The following NUP50 variants were observed in gnomAD, a reference collection of about 807,000 sequenced individuals.
NUP50 encodes the protein nuclear pore complex protein Nup50.
A neutral mutation model predicts 36.8 loss-of-function variants in NUP50; 14 were observed. The observed-to-expected ratio is 0.38, with a 90% CI of 0.25 to 0.59. The LOEUF (loss-of-function observed/expected upper bound fraction) is 0.59, where lower values mean the gene tolerates loss of function less well. Among genes scored for constraint, NUP50 ranks in the 20% least tolerant of loss-of-function variants. The pLI is 0.63. For synonymous variants in NUP50, 195 were observed against 210.8 expected (o/e 0.93, Z 0.65); for missense variants, 455 against 564.6 (o/e 0.81, Z 1.97).
At position 45,178,522 on chromosome 22, in the gene NUP50, G is replaced by A; in HGVS notation, c.625G>A (p.Glu209Lys). 1.9e-6 allele frequency: 3 copies of A among 1,612,094 alleles called. No homozygotes were observed. The highest frequency in any genetic ancestry group is 2.5e-6 in the Non-Finnish European group (3 of 1,179,868). Residue 209 changes from glutamate (E) to lysine (K), a missense_variant, in exon 5 of 8, where the codon GAA becomes AAA. Physicochemically the swap from Glu to Lys is moderately conservative, Grantham distance 56 (BLOSUM62 1). Around this residue, in one of 3 missense-constraint regions of NUP50, gnomAD observed 287 missense variants for 345.5 expected, o/e 0.83. Transcript: ENST00000347635. Reference sequence around the variant, plus strand: ...ACACGGGAACAGTGGCAGGAATTCTGAAAGTGAATCTAACAAAGTGGCAGC... The same window carrying A: ...ACACGGGAACAGTGGCAGGAATTCTAAAAGTGAATCTAACAAAGTGGCAGC... The part of the protein sequence containing the change: ...QQHGNSGRNS[E>K]SESNKVAAET...
Position 45,181,323 on chromosome 22 carries a change from A to G in NUP50, c.1041A>G (p.Val347=), listed in dbSNP as rs1466876340. 2.5e-6 allele frequency: 4 copies of G among 1,594,170 alleles called. No homozygotes were observed. The South Asian group carries it at 4.6e-5, about 18-fold the overall frequency. ...DEEENDEPPK[V]VVTEVKEEDA... is the part of the protein sequence containing the mutation. ...AAGAGAATGATGAGCCACCCAAAGT[A>G]GTAGTTACCGAAGTAAAAGAAGAAG... Residue 347 remains valine, a synonymous_variant, in exon 6 of 8, where the codon GTA becomes GTG. Transcript: ENST00000347635.
At chr22:45,176,212 A>T (rs1421115417) in intron 4 of NUP50, 132 bp downstream of exon 4, 2 of 999,366 alleles carry the variant, frequency 2.0e-6, no homozygotes, top group East Asian at 2.6e-5. Flanking sequence ...AATGAAAGAG[A>T]TGGAACTTAG....
At chr22:45,172,079 T>C in intron 3 of NUP50, 1 of 171,122 alleles carries the variant, frequency 5.8e-6, no homozygotes, top group South Asian at 1.4e-4. Flanking sequence ...ATTTTAGGTG[T>C]GGATTTTTTG....
At chr22:45,177,115 T>C (rs911864901) in intron 4 of NUP50, among the ~76,000 whole-genome samples, 3 of 152,106 alleles carry the variant, frequency 2.0e-5, no homozygotes, top group Non-Finnish European at 4.4e-5. Flanking sequence ...GATGTTCAAG[T>C]CCCATAGTCA....
At chr22:45,183,595 G>T (rs774075071) in intron 7 of NUP50, 75 bp downstream of exon 7, 1 of 941,234 alleles carries the variant, frequency 1.1e-6, no homozygotes, top group Admixed American at 1.7e-5. Flanking sequence ...CTGACTCAAG[G>T]TTATTAATAT....
chr22:45,177,187 G>C (rs886637065), intron 4 of NUP50, among the ~76,000 whole-genome samples: 1 of 152,086 alleles, frequency 6.6e-6, no homozygotes, highest in Non-Finnish European at 1.5e-5. Flanking sequence ...CTCATCCCCA[G>C]AGTACTGCAT....
chr22:45,181,147 C>T (rs560396197), intron 5 of NUP50, 139 bp from the exon 6 acceptor site: 11 of 131,906 alleles, frequency 8.3e-5, no homozygotes, highest in African/African-American at 3.1e-4. Context: ...CCCCCCCCCC[C>T]CCATTAAGTG....
rs540007590 is a variant in NUP50 at position 45,182,457 on chromosome 22, C to G, written c.1086-945C>G. 2.0e-5 allele frequency among the ~76,000 whole-genome samples: 3 copies of G among 151,734 alleles called. No individual in the cohort carries two copies. The South Asian group carries it at 6.3e-4, about 32-fold the overall frequency. On this transcript the variant is annotated intron_variant, in intron 6 of 7. Coordinates refer to ENST00000347635, the MANE Select transcript of NUP50 (RefSeq NM_007172.4). ...ACTGTCTCAAAAGAAATACATAAAT[C>G]AATACATGAGCCATGGTTTTGTATT...
intron 2 of NUP50, chr22:45,171,066 T>C (rs751881123): frequency 1.5e-6 from 2 of 1,302,890 alleles, no homozygotes; most frequent in Non-Finnish European, 2.0e-6. Context: ...TGGACATGAG[T>C]GTGCTTTGAG....
chr22:45,178,170 G>A (rs2074306167), intron 4 of NUP50, 68 bp from the exon 5 acceptor site: 1 of 1,437,750 alleles, frequency 7.0e-7, no homozygotes, highest in Non-Finnish European at 9.6e-7. Context: ...AAGGCAGAGT[G>A]GCAAAAAAAT....
chr22:45,184,960 C>T lies in NUP50; in HGVS notation c.*305C>T, dbSNP rs1157247259. On this transcript the variant is annotated 3_prime_UTR_variant, in exon 8 of 8. Coordinates refer to ENST00000347635, the MANE Select transcript of NUP50 (RefSeq NM_007172.4). ...TCTTCAAGGACTGCAATCAGGGTAT[C>T]AATTTGCTTTCCCAAAGGCTCTTCC... The T allele has an allele frequency of 3.9e-5, 14 of 361,556 alleles. No individual in the cohort carries two copies. Among genetic ancestry groups the T allele is most frequent in the Non-Finnish European group, 7.2e-5 (14 of 193,346 alleles). The allele number at this position is 361,556 out of a possible 1,614,324, so 22.4% of individuals were successfully genotyped here.
At chr22:45,184,390 C>A in intron 7 of NUP50, 63 bp from the exon 8 acceptor site, 1 of 1,422,164 alleles carries the variant, frequency 7.0e-7, no homozygotes, top group South Asian at 1.2e-5. Flanking sequence ...TAGCATATTA[C>A]AGACTCCTTT....
chr22:45,167,326 G>A (rs535116157), intron 1 of NUP50, among the ~76,000 whole-genome samples: 77 of 152,312 alleles, frequency 5.1e-4, no homozygotes, highest in African/African-American at 1.8e-3. Context: ...TCATAGCGGA[G>A]CTCTGGGTTG....
At position 45,163,966 on chromosome 22, in the gene NUP50, C is replaced by T. The variant is rs1004286783; in HGVS notation, c.-341C>T. 6 of 152,192 alleles carry T rather than the reference C, an allele frequency of 3.9e-5. No homozygotes were observed. The highest frequency in any genetic ancestry group is 7.3e-5 in the Non-Finnish European group (5 of 68,034). 9.4% of individuals were successfully genotyped at this position (152,192 alleles called of 1,614,324 possible). ...AGTAGCTGAACGCGGGCGTTTCTTT[C>T]CTCCCTTTTTTTCGAATTGGTTTTG... On this transcript the variant is annotated 5_prime_UTR_variant, in exon 1 of 8. Transcript: ENST00000347635.
intron 5 of NUP50, among the ~76,000 whole-genome samples, chr22:45,180,568 G>T (rs2074351588): frequency 6.6e-6 from 1 of 152,072 alleles, no homozygotes; most frequent in Non-Finnish European, 1.5e-5. Flanking sequence ...GAGATGGGGG[G>T]CGTCTCACCA....
At chr22:45,168,984 T>C (rs1319105949) in intron 2 of NUP50, among the ~76,000 whole-genome samples, 1 of 148,150 alleles carries the variant, frequency 6.7e-6, no homozygotes, top group Non-Finnish European at 1.5e-5. Context: ...TCACTGCAAC[T>C]TTTATCTCCC....
rs1052059684 is a variant in NUP50, at chr22:45,187,929, C to G, written c.*3274C>G. The G allele has an allele frequency of 1.3e-5, 2 of 152,630 alleles. No individual in the cohort carries two copies. The highest frequency in any genetic ancestry group is 4.8e-5 in the African/African-American group (2 of 41,446). The allele number at this position is 152,630 out of a possible 1,614,324, so 9.5% of individuals were successfully genotyped here. A position where few individuals can be genotyped will look rare whatever the true frequency, so the allele number is the denominator to read the frequency against. ...TACTTGAATTGTCAGACAATATAAT[C>G]TCAGCTTGTATTAGTTTTTGAATGC... is the stretch of plus-strand genomic sequence containing the variant. On this transcript the variant is annotated 3_prime_UTR_variant, in exon 8 of 8. Transcript: ENST00000347635.
intron 1 of NUP50, among the ~76,000 whole-genome samples, chr22:45,166,893 A>G (rs2074103295): frequency 1.3e-5 from 2 of 152,222 alleles, no homozygotes; most frequent in South Asian, 4.1e-4. Flanking sequence ...ATCATTTGTA[A>G]TCAGAAAAAT....
intron 7 of NUP50, 160 bp from the exon 8 acceptor site, chr22:45,184,293 C>G (rs934163934): frequency 4.4e-6 from 3 of 680,048 alleles, no homozygotes; most frequent in Non-Finnish European, 5.0e-6. Context: ...CCGAGGCCTC[C>G]CAGTTCTCAG....
Sources: allele counts gnomAD v4.1 joint callset (sites outside exome capture counted in the v4.1 genomes callset), GRCh38; gene constraint gnomAD v4.1.1; regional missense constraint gnomAD v4.1.1; transcripts MANE v1.5; gene names NCBI Gene and HGNC (gene_info 2026-07-23, HGNC 2026-07-21).